Variants in MYO10 observed in about 807,000 individuals in gnomAD.
MYO10 encodes myosin X.
Under a neutral mutation model 257.3 loss-of-function variants are expected in MYO10, and 133 were observed. The observed-to-expected ratio is 0.52, with a 90% CI of 0.45 to 0.60. The LOEUF (loss-of-function observed/expected upper bound fraction) is 0.60. Among genes scored for constraint, MYO10 ranks in the 20% least tolerant of loss-of-function variants. The pLI is 0.00. For missense variants in MYO10, 2,399 were observed against 2,635.7 expected, an observed-to-expected ratio of 0.91 and a Z score of 1.97; for synonymous variants, 1,104 against 1,028.6, an observed-to-expected ratio of 1.07 and a Z score of -1.40.
At chr5:16,790,833 T>C (rs530089503) in intron 4 of MYO10, among the ~76,000 whole-genome samples, 2 of 151,952 alleles carry the variant, frequency 1.3e-5, no homozygotes, top group South Asian at 4.1e-4. Flanking sequence ...TCAAATGTAC[T>C]AGAGATCAAC....
intron 19 of MYO10, among the ~76,000 whole-genome samples, chr5:16,724,064 G>A (rs74591025): frequency 1.3e-5 from 2 of 152,178 alleles, no homozygotes; most frequent in African/African-American, 4.8e-5. Context: ...CGGAACTTTA[G>A]AGCACTAGAA....
intron 18 of MYO10, among the ~76,000 whole-genome samples, chr5:16,756,582 AAGACAAAAC>A (rs1579954650): frequency 1.3e-5 from 2 of 152,304 alleles, no homozygotes; most frequent in Non-Finnish European, 2.9e-5. Context: ...AATTTCTCAC[AAGACAAAAC>A]ATCCTGACAT....
intron 9 of MYO10, among the ~76,000 whole-genome samples, chr5:16,772,194 A>G (rs1741073508): frequency 6.6e-6 from 1 of 150,868 alleles, no homozygotes; most frequent in African/African-American, 2.4e-5. Flanking sequence ...GTGCAATGGC[A>G]TGATCTCGGC....
intron 2 of MYO10, among the ~76,000 whole-genome samples, chr5:16,858,461 G>C (rs253477): frequency 0.035 from 4,828 of 136,550 alleles, 259 homozygotes; most frequent in African/African-American, 0.13. Flanking sequence ...AAAAAAAATC[G>C]AGGTTTAATT....
At chr5:16,882,625 A>G (rs1744786876) in intron 1 of MYO10, among the ~76,000 whole-genome samples, 1 of 152,210 alleles carries the variant, frequency 6.6e-6, no homozygotes, top group South Asian at 2.1e-4. Context: ...CATACACATC[A>G]TGGTAAGTGA....
intron 27 of MYO10, among the ~76,000 whole-genome samples, chr5:16,692,467 G>A (rs2126526347): frequency 6.6e-6 from 1 of 152,156 alleles, no homozygotes; most frequent in Non-Finnish European, 1.5e-5. Context: ...GCAGAAATCT[G>A]AACAATGACT....
rs945411125 is a variant in MYO10 at position 16,694,509 on chromosome 5, T to C, written c.3662A>G (p.Lys1221Arg). ...CAGCGTGGAGGAGCCCCCCCCTTTT[T>C]TGTGGAGCCAGCCTTGCTTGAGGGC... ...QEALKQGWLH[K>R]KGGGSSTLSR... The change falls in exon 27 of 41, where the codon AAA (lysine) becomes AGA (arginine). Residue 1221 changes from lysine (K) to arginine (R), a missense_variant. Physicochemically the swap from Lys to Arg is conservative, Grantham distance 26. Transcript: ENST00000513610. 1 of 1,613,984 alleles carries C rather than the reference T, an allele frequency of 6.2e-7. No individual in the cohort carries two copies. Among genetic ancestry groups the C allele is most frequent in the East Asian group, 2.2e-5 (1 of 44,886 alleles).
intron 19 of MYO10, among the ~76,000 whole-genome samples, chr5:16,734,335 T>C (rs1561216136): frequency 1.3e-5 from 2 of 152,202 alleles, no homozygotes. Flanking sequence ...ATGAATTTGA[T>C]ATTCCCCACG....
intron 3 of MYO10, among the ~76,000 whole-genome samples, chr5:16,813,227 G>C (rs1265577794): frequency 2.0e-5 from 3 of 152,146 alleles, no homozygotes; most frequent in African/African-American, 7.2e-5. Context: ...ATGACTCAAA[G>C]GAGAGTACCT....
intron 19 of MYO10, among the ~76,000 whole-genome samples, chr5:16,733,663 A>T (rs1579925646): frequency 6.6e-6 from 1 of 152,312 alleles, no homozygotes; most frequent in East Asian, 1.9e-4. Flanking sequence ...ATAATGGGAA[A>T]TTAGCCAGCC....
intron 2 of MYO10, among the ~76,000 whole-genome samples, chr5:16,847,202 C>G (rs1413059394): frequency 6.6e-6 from 1 of 152,026 alleles, no homozygotes; most frequent in Non-Finnish European, 1.5e-5. Flanking sequence ...GAGGCCGAGG[C>G]AGGTAGATCA....
At chr5:16,812,046 T>C (rs2126698332) in intron 3 of MYO10, among the ~76,000 whole-genome samples, 1 of 152,188 alleles carries the variant, frequency 6.6e-6, no homozygotes, top group South Asian at 2.1e-4. Flanking sequence ...TAGGCCCTCA[T>C]CAGACCCATT....
At chr5:16,842,462 C>A (rs1743510997) in intron 2 of MYO10, among the ~76,000 whole-genome samples, 1 of 152,182 alleles carries the variant, frequency 6.6e-6, no homozygotes, top group African/African-American at 2.4e-5. Context: ...TCCTCACCAG[C>A]CCTGGGCTTC....
chr5:16,824,932 C>T (rs116490360), intron 2 of MYO10, among the ~76,000 whole-genome samples: 1,541 of 152,188 alleles, frequency 0.01, 21 homozygotes, highest in African/African-American at 0.035. Flanking sequence ...AAACACTGAA[C>T]AGAGGTAAAT....
At chr5:16,795,956 G>A (rs1021650423) in intron 3 of MYO10, among the ~76,000 whole-genome samples, 3 of 152,010 alleles carry the variant, frequency 2.0e-5, no homozygotes, top group South Asian at 2.1e-4. Flanking sequence ...TTGGGGGGCC[G>A]AGGTGCGAGG....
chr5:16,708,429 A>C (rs1738443102), intron 21 of MYO10, among the ~76,000 whole-genome samples: 1 of 152,158 alleles, frequency 6.6e-6, no homozygotes, highest in Non-Finnish European at 1.5e-5. Flanking sequence ...TGATTTCCAT[A>C]ATGTAAATTC....
intron 1 of MYO10, among the ~76,000 whole-genome samples, chr5:16,878,804 G>T (rs561647369): frequency 6.6e-6 from 1 of 152,216 alleles, no homozygotes; most frequent in Admixed American, 6.5e-5. Flanking sequence ...GCATAAGAAT[G>T]ACATGATGGA....
At chr5:16,698,186 C>A (rs1475738826) in intron 26 of MYO10, among the ~76,000 whole-genome samples, 2 of 152,144 alleles carry the variant, frequency 1.3e-5, no homozygotes, top group Non-Finnish European at 2.9e-5. Context: ...GCCTGGGCAA[C>A]ATAGTGAGAT....
intron 1 of MYO10, chr5:16,916,488 A>G (rs29446): frequency 5.8e-6 from 1 of 172,558 alleles, no homozygotes; most frequent in Admixed American, 5.6e-5. Flanking sequence ...AAAAGAGGAG[A>G]GGAGAAGCAT....
Sources: allele counts gnomAD v4.1 joint callset (sites outside exome capture counted in the v4.1 genomes callset), GRCh38; gene constraint gnomAD v4.1.1; transcripts MANE v1.5; gene names NCBI Gene and HGNC (gene_info 2026-07-23, HGNC 2026-07-21).